Variants in GASK1B observed in about 807,000 individuals in gnomAD.
The protein encoded by GASK1B is golgi associated kinase 1B.
A neutral mutation model predicts 42.8 loss-of-function variants in GASK1B; 34 were observed. That is an observed-to-expected ratio of 0.79 (90% CI 0.60 to 1.06). The LOEUF is 1.06. GASK1B is among the 50% of genes least tolerant of loss of function. GASK1B has a pLI of 0.00. For synonymous variants in GASK1B, 262 were observed against 259.1 expected (o/e 1.01, Z -0.11); for missense variants, 686 against 661.0 (o/e 1.04, Z -0.42).
At chr4:158,144,855 G>A (rs1307760943) in intron 3 of GASK1B, among the ~76,000 whole-genome samples, 2 of 152,122 alleles carry the variant, frequency 1.3e-5, no homozygotes, top group Admixed American at 6.5e-5. Context: ...TAAATACATG[G>A]CTAGAGGTCA....
intron 2 of GASK1B, among the ~76,000 whole-genome samples, chr4:158,166,480 C>A (rs1441157670): frequency 6.6e-6 from 1 of 152,166 alleles, no homozygotes; most frequent in Non-Finnish European, 1.5e-5. Flanking sequence ...GCATTTGATT[C>A]CTTCTTACAC....
intron 3 of GASK1B, among the ~76,000 whole-genome samples, chr4:158,147,507 G>A (rs935696682): frequency 2.6e-5 from 4 of 151,912 alleles, no homozygotes; most frequent in Non-Finnish European, 5.9e-5. Flanking sequence ...AGGAGGCTGA[G>A]GCAAGATGAT....
At chr4:158,132,128 T>C (rs906799367) in intron 3 of GASK1B, among the ~76,000 whole-genome samples, 3 of 152,176 alleles carry the variant, frequency 2.0e-5, no homozygotes, top group Admixed American at 2.0e-4. Context: ...AGTAAGTAAG[T>C]AGCAAAGTGA....
chr4:158,171,080 C>T lies in GASK1B; in HGVS notation c.296G>A (p.Gly99Glu), dbSNP rs1732502982. Residue 99 changes from glycine (G) to glutamate (E), a missense_variant, in exon 2 of 5, where the codon GGG becomes GAG. Gly to Glu is a moderately conservative substitution (Grantham distance 98). Transcript: ENST00000585682. ...TLAPPESQGNGSTLQPNVVYI... is the reference protein window; with the variant it reads ...TLAPPESQGNESTLQPNVVYI... Reference sequence around the variant, plus strand: ...CACCACATTGGGCTGCAGAGTGGACCCATTGCCCTGGGACTCTGGAGGGGC... The same window carrying T: ...CACCACATTGGGCTGCAGAGTGGACTCATTGCCCTGGGACTCTGGAGGGGC... 6.2e-7 allele frequency: 1 copy of T among 1,610,458 alleles called. No individual in the cohort carries two copies. Among genetic ancestry groups the T allele is most frequent in the Admixed American group, 1.7e-5 (1 of 59,906 alleles).
intron 3 of GASK1B, among the ~76,000 whole-genome samples, chr4:158,154,004 T>TA (rs1247170307): frequency 1.3e-5 from 2 of 151,824 alleles, no homozygotes; most frequent in Non-Finnish European, 2.9e-5. Context: ...ACAAAAAAGA[T>TA]AAATAGATAG....
In GASK1B at chr4:158,141,601, T is replaced by A. The variant is rs973729257; in HGVS notation, c.1126-10589A>T. Among the ~76,000 whole-genome samples, 493 of 110,386 alleles carry A rather than the reference T, an allele frequency of 4.5e-3. 86 individuals carry two copies. The highest frequency in any genetic ancestry group is 0.01 in the South Asian group (28 of 2,694). 72.4% of individuals were successfully genotyped at this position (110,386 alleles called of 152,430 possible). On this transcript the variant is annotated intron_variant, in intron 3 of 4. Coordinates refer to ENST00000585682, the MANE Select transcript of GASK1B (RefSeq NM_001128424.2). ...GGTCAGTGCCTTTGTATTTACCTTT[T>A]TTTTTTTTTTTTTTTTTTTTTTTGA...
chr4:158,161,051 TATA>T (rs1374459978), intron 2 of GASK1B, among the ~76,000 whole-genome samples: 1 of 152,044 alleles, frequency 6.6e-6, no homozygotes, highest in Non-Finnish European at 1.5e-5. Context: ...GAATGGTGAC[TATA>T]ATAATAATAT....
chr4:158,143,111 T>C (rs543191536), intron 3 of GASK1B, among the ~76,000 whole-genome samples: 55 of 152,368 alleles, frequency 3.6e-4, no homozygotes, highest in Admixed American at 1.2e-3. Context: ...TGTGCTTATG[T>C]GTTTTATCTT....
chr4:158,167,099 G>C (rs1732257512), intron 2 of GASK1B: 1 of 152,034 alleles, frequency 6.6e-6, no homozygotes, highest in Non-Finnish European at 1.5e-5. Flanking sequence ...CCACTTTCTT[G>C]GTGCCAGATA....
At chr4:158,140,169 A>C (rs1200331847) in intron 3 of GASK1B, among the ~76,000 whole-genome samples, 1 of 152,198 alleles carries the variant, frequency 6.6e-6, no homozygotes, top group African/African-American at 2.4e-5. Flanking sequence ...GTGAAAAACC[A>C]AAGGTCTCAG....
At chr4:158,145,057 A>G (rs1731277877) in intron 3 of GASK1B, among the ~76,000 whole-genome samples, 1 of 152,148 alleles carries the variant, frequency 6.6e-6, no homozygotes, top group African/African-American at 2.4e-5. Flanking sequence ...AATCCTCATC[A>G]TCTATCAAGG....
At chr4:158,167,876 C>T (rs551042856) in intron 2 of GASK1B, among the ~76,000 whole-genome samples, 7 of 152,116 alleles carry the variant, frequency 4.6e-5, no homozygotes, top group Admixed American at 1.3e-4. Context: ...GAAAGCTACA[C>T]GCTTCCGTGG....
chr4:158,155,975 G>T (rs1176735956), intron 2 of GASK1B, 150 bp from the exon 3 acceptor site: 5 of 661,176 alleles, frequency 7.6e-6, no homozygotes, highest in Non-Finnish European at 1.3e-5. Context: ...TTTGTCTTCT[G>T]GTTTTAATAC....
Position 158,139,251 on chromosome 4 carries a change from C to A in GASK1B, c.1126-8239G>T, listed in dbSNP as rs1042931462. Among the ~76,000 whole-genome samples, 67 of 152,180 alleles carry A rather than the reference C, an allele frequency of 4.4e-4. 1 individual carries two copies. Among genetic ancestry groups the A allele is most frequent in the Non-Finnish European group, 3.7e-4 (25 of 68,026 alleles). On this transcript the variant is annotated intron_variant, in intron 3 of 4. Coordinates refer to ENST00000585682, the MANE Select transcript of GASK1B (RefSeq NM_001128424.2). ...CAACTTAATGCCTCTAAGAATGATT[C>A]ACTGGGTATTCTCTATAGCAACCAG...
At chr4:158,138,601 G>C (rs1437777427) in intron 3 of GASK1B, among the ~76,000 whole-genome samples, 3 of 151,836 alleles carry the variant, frequency 2.0e-5, no homozygotes, top group Non-Finnish European at 4.4e-5. Flanking sequence ...AACTTGATGT[G>C]TATTACTTTT....
intron 3 of GASK1B, among the ~76,000 whole-genome samples, chr4:158,139,177 G>A (rs773495510): frequency 2.6e-5 from 4 of 152,258 alleles, no homozygotes; most frequent in African/African-American, 7.2e-5. Flanking sequence ...TGCCTACCAC[G>A]ATGCTTCCCC....
intron 3 of GASK1B, among the ~76,000 whole-genome samples, chr4:158,155,182 T>C (rs1158551660): frequency 1.3e-5 from 2 of 152,118 alleles, no homozygotes; most frequent in Non-Finnish European, 2.9e-5. Context: ...ATTCTCTTTG[T>C]AGCAATAAGA....
At chr4:158,170,177 T>A in intron 2 of GASK1B, 1 of 1,543,170 alleles carries the variant, frequency 6.5e-7, no homozygotes, top group Admixed American at 1.9e-5. Flanking sequence ...TGGCTTTAAT[T>A]AGATTTAATA....
Position 158,170,599 on chromosome 4 carries a change from G to A in GASK1B, c.777C>T (p.Arg259=), listed in dbSNP as rs1440290653. The stretch of plus-strand genomic sequence containing the variant: ...GAAGCCCACAGGGGCTAGGGCCACA[G>A]CGGAGCACAGCGCCAGGTGCGCCCC... ...LEGGAPGAVL[R]CGPSPCGLLK... is the part of the protein sequence containing the mutation. The change falls in exon 2 of 5, where the codon CGC becomes CGT. Residue 259 remains arginine, a synonymous_variant. Transcript: ENST00000585682. The A allele has an allele frequency of 6.2e-7, 1 of 1,613,792 alleles. No homozygotes were observed.
Sources: gnomAD v4.1 joint callset for allele counts (sites outside exome capture counted in the v4.1 genomes callset) on GRCh38, gnomAD v4.1.1 for gene constraint, MANE v1.5 for transcripts, NCBI Gene and HGNC (gene_info 2026-07-23, HGNC 2026-07-21) for gene names.